Variants in USP34 observed in about 807,000 individuals in gnomAD.
USP34 encodes ubiquitin specific peptidase 34, also known as ubiquitin carboxyl-terminal hydrolase 34.
USP34 carries 70 observed loss-of-function variants against 460.3 expected under a neutral mutation model. That is an observed-to-expected ratio of 0.15 (90% CI 0.13 to 0.19). The LOEUF is 0.19. USP34 is among the 10% of genes least tolerant of loss of function. USP34 has a pLI of 1.00. For synonymous variants in USP34, 1,647 were observed against 1,405.3 expected (o/e 1.17, Z -3.85); for missense variants, 3,985 against 4,236.2 (o/e 0.94, Z 1.65).
intron 34 of USP34, among the ~76,000 whole-genome samples, chr2:61,288,196 T>G (rs987771654): frequency 2.6e-5 from 4 of 152,168 alleles, no homozygotes; most frequent in Admixed American, 6.6e-5. Flanking sequence ...AACCCCGGTT[T>G]AACAGGATCC....
intron 3 of USP34, among the ~76,000 whole-genome samples, chr2:61,403,907 G>C (rs889472418): frequency 6.9e-6 from 1 of 145,900 alleles, no homozygotes; most frequent in African/African-American, 2.5e-5. Flanking sequence ...GCAGGAGAAT[G>C]ACGTGAACCC....
intron 3 of USP34, among the ~76,000 whole-genome samples, chr2:61,398,306 G>A (rs879627525): frequency 2.0e-5 from 3 of 151,980 alleles, no homozygotes; most frequent in East Asian, 1.9e-4. Context: ...GGTCTAGGCT[G>A]CAATGAGCCA....
chr2:61,470,160 G>C (rs1373334219), intron 1 of USP34, among the ~76,000 whole-genome samples: 3 of 152,178 alleles, frequency 2.0e-5, no homozygotes, highest in Non-Finnish European at 1.5e-5. Context: ...AACCCGCAAG[G>C]GAGGGAAAAA....
At chr2:61,207,478 T>C (rs1687152602) in intron 70 of USP34, 1 of 152,512 alleles carries the variant, frequency 6.6e-6, no homozygotes, top group East Asian at 1.9e-4. Context: ...TTACACACTG[T>C]AATACCCACA....
At chr2:61,300,918 A>G in intron 29 of USP34, 33 bp downstream of exon 29, 1 of 1,499,282 alleles carries the variant, frequency 6.7e-7, no homozygotes, top group Non-Finnish European at 9.1e-7. Flanking sequence ...ACAGAGACAC[A>G]AAACAAGATT....
At chr2:61,215,568 C>G (rs190681334) in intron 67 of USP34, among the ~76,000 whole-genome samples, 1 of 152,282 alleles carries the variant, frequency 6.6e-6, no homozygotes, top group East Asian at 1.9e-4. Flanking sequence ...GACCTAGGTG[C>G]TGTATAAACT....
At chr2:61,285,486 CAAAAAA>C (rs35055379) in intron 34 of USP34, among the ~76,000 whole-genome samples, 4 of 108,492 alleles carry the variant, frequency 3.7e-5, no homozygotes, top group Non-Finnish European at 7.3e-5. Context: ...GAATCTGTCT[CAAAAAA>C]AAAAAAAAAA....
chr2:61,454,097 TAC>T (rs1411802605), intron 1 of USP34, among the ~76,000 whole-genome samples: 1 of 152,206 alleles, frequency 6.6e-6, no homozygotes, highest in Non-Finnish European at 1.5e-5. Flanking sequence ...CAGTATTTTC[TAC>T]AGATTTCTAC....
Position 61,389,443 on chromosome 2 carries a change from G to C in USP34, c.753+5410C>G, listed in dbSNP as rs140409182. Among the ~76,000 whole-genome samples, 960 of 152,192 alleles carry C rather than the reference G, an allele frequency of 6.3e-3. 2 individuals are homozygous for C. Among genetic ancestry groups the C allele is most frequent in the Non-Finnish European group, 0.01 (681 of 68,004 alleles). ...TATTTTAGAATACACAGACACAAGT[G>C]ATTAAAAATTTCAATTAAAAAACAG... On this transcript the variant is annotated intron_variant, in intron 5 of 79. Transcript: ENST00000398571.
chr2:61,442,523 T>C (rs1218955140), intron 1 of USP34, among the ~76,000 whole-genome samples: 3 of 151,796 alleles, frequency 2.0e-5, no homozygotes, highest in African/African-American at 7.3e-5. Context: ...TCAACATCAC[T>C]AACCATCAGG....
At chr2:61,237,659 C>T (rs988823969) in intron 53 of USP34, among the ~76,000 whole-genome samples, 10 of 148,668 alleles carry the variant, frequency 6.7e-5, no homozygotes, top group African/African-American at 2.2e-4. Flanking sequence ...CCTTGACCTC[C>T]CTGGTCTCAG....
At chr2:61,329,980 G>A (rs1691210876) in intron 20 of USP34, among the ~76,000 whole-genome samples, 1 of 152,170 alleles carries the variant, frequency 6.6e-6, no homozygotes, top group Non-Finnish European at 1.5e-5. Context: ...GGAAGACTGA[G>A]GCAAGGAGAC....
At chr2:61,215,037 G>A (rs941344530) in intron 67 of USP34, among the ~76,000 whole-genome samples, 1 of 152,152 alleles carries the variant, frequency 6.6e-6, no homozygotes, top group African/African-American at 2.4e-5. Flanking sequence ...AGCATTTGCA[G>A]TCAGAAGACC....
At chr2:61,465,751 G>C (rs1558611861) in intron 1 of USP34, among the ~76,000 whole-genome samples, 1 of 152,158 alleles carries the variant, frequency 6.6e-6, no homozygotes, top group Non-Finnish European at 1.5e-5. Flanking sequence ...GCCGAGGCAG[G>C]TGGATCACGA....
intron 33 of USP34, among the ~76,000 whole-genome samples, chr2:61,292,397 C>G (rs1451286735): frequency 1.3e-5 from 2 of 152,116 alleles, no homozygotes; most frequent in African/African-American, 4.8e-5. Flanking sequence ...CTACAATAAG[C>G]CACATATTGG....
chr2:61,256,623 G>A, intron 47 of USP34, 145 bp from the exon 48 acceptor site: 5 of 678,396 alleles, frequency 7.4e-6, no homozygotes, highest in Non-Finnish European at 1.2e-5. Flanking sequence ...GTAAAAAACT[G>A]TTTTTCCTCA....
chr2:61,294,073 C>T (rs1235695953), intron 32 of USP34, among the ~76,000 whole-genome samples: 2 of 151,842 alleles, frequency 1.3e-5, no homozygotes, highest in African/African-American at 2.4e-5. Flanking sequence ...AGGCCAGGCG[C>T]GGTGGCTCAC....
At chr2:61,267,304 C>T (rs141848516) in intron 41 of USP34, among the ~76,000 whole-genome samples, 2 of 152,224 alleles carry the variant, frequency 1.3e-5, no homozygotes, top group East Asian at 1.9e-4. Flanking sequence ...TCTTGAAAGA[C>T]GTACCAAAAA....
At chr2:61,338,114 G>A (rs1344062314) in intron 18 of USP34, among the ~76,000 whole-genome samples, 1 of 152,162 alleles carries the variant, frequency 6.6e-6, no homozygotes, top group African/African-American at 2.4e-5. Context: ...CTGAGGTGAG[G>A]AGTTGAAGAC....
Sources: gnomAD v4.1 joint callset for allele counts (sites outside exome capture counted in the v4.1 genomes callset) on GRCh38, gnomAD v4.1.1 for gene constraint, MANE v1.5 for transcripts, NCBI Gene and HGNC (gene_info 2026-07-23, HGNC 2026-07-21) for gene names.